ARAP3: variants seen among roughly 807,000 people sequenced by gnomAD.
ARAP3 encodes the protein arf-GAP with Rho-GAP domain, ANK repeat and PH domain-containing protein 3.
Under a neutral mutation model 169.2 loss-of-function variants are expected in ARAP3, and 82 were observed. The observed-to-expected ratio is 0.48, with a 90% CI of 0.41 to 0.58. The LOEUF is 0.58. Ranked by LOEUF, ARAP3 falls within the 20% of genes least tolerant of loss-of-function variation. The pLI is 0.00. For missense variants in ARAP3, 1,764 were observed against 2,018.0 expected (o/e 0.87, Z 2.41); for synonymous variants, 791 against 800.3 (o/e 0.99, Z 0.20).
chr5:141,658,114 AG>A (rs1431794596), intron 25 of ARAP3, among the ~76,000 whole-genome samples: 2 of 152,180 alleles, frequency 1.3e-5, no homozygotes. Context: ...TGGGCAAAAG[AG>A]GAAGAGAAGC....
In ARAP3 at chr5:141,655,254, ACACACC is replaced by A. The variant is rs368116351; in HGVS notation, c.4149+102_4149+107del. ...CACACACACACACACACACACACAC[ACACACC>A]CCCTGATGGCCTACATGAGGAAAAC... On this transcript the variant is annotated intron_variant, in intron 32 of 32. Coordinates refer to ENST00000239440, the MANE Select transcript of ARAP3 (RefSeq NM_022481.6). The A allele has an allele frequency of 1.7e-4, 195 of 1,154,918 alleles. 1 individual carries two copies. Among genetic ancestry groups the A allele is most frequent in the African/African-American group, 9.4e-4 (58 of 62,006 alleles). 71.5% of individuals were successfully genotyped at this position (1,154,918 alleles called of 1,614,324 possible).
chr5:141,671,922 C>G lies in ARAP3; in HGVS notation c.1644G>C (p.Thr548=). Residue 548 remains threonine (T), a synonymous_variant, in exon 11 of 33, where the codon ACG becomes ACC. Transcript: ENST00000239440. The surrounding 1 kb of genome is among the most constrained non-coding windows in gnomAD (Gnocchi z 4.9). ...GTACTATCTCATTACTCCAGACACTCGTGTCCAGCTTCAGGCTCTGCACCT... is the reference window on the plus strand; with the variant it reads ...GTACTATCTCATTACTCCAGACACTGGTGTCCAGCTTCAGGCTCTGCACCT... ...ISKVQSLKLD[T]SVWSNEIVQL... is the part of the protein sequence containing the mutation. The G allele has an allele frequency of 6.2e-7, 1 of 1,614,182 alleles. No homozygotes were observed. Among genetic ancestry groups the G allele is most frequent in the Non-Finnish European group, 8.5e-7 (1 of 1,180,026 alleles).
chr5:141,671,344 G>A lies in ARAP3; in HGVS notation c.1911C>T (p.Leu637=). Reference sequence around the variant, plus strand: ...CCTCGCCTTCAAAGGCCTCAACACAGAGGAGCTGGGTCATGTTCTTCAGCA... The same window carrying A: ...CCTCGCCTTCAAAGGCCTCAACACAAAGGAGCTGGGTCATGTTCTTCAGCA... ...PNLLKNMTQL[L]CVEAFEGEEP... is the part of the protein sequence containing the mutation. The change falls in exon 13 of 33, where the codon CTC becomes CTT. Residue 637 remains leucine (L), a synonymous_variant. Coordinates refer to ENST00000239440, the MANE Select transcript of ARAP3 (RefSeq NM_022481.6). This position sits in a 1 kb window ranked among gnomAD's most constrained non-coding sequence, Gnocchi z 4.9. The A allele has an allele frequency of 6.2e-7, 1 of 1,613,800 alleles. No homozygotes were observed. The highest frequency in any genetic ancestry group is 1.3e-5 in the African/African-American group (1 of 75,046).
At chr5:141,656,676 G>A (rs761225894) in intron 26 of ARAP3, 39 bp from the exon 27 acceptor site, 15 of 1,613,226 alleles carry the variant, frequency 9.3e-6, no homozygotes, top group Non-Finnish European at 1.3e-5. Context: ...AGGATGCTAG[G>A]GGAGAGACCT....
intron 25 of ARAP3, among the ~76,000 whole-genome samples, chr5:141,657,877 G>C (rs901669508): frequency 5.9e-5 from 9 of 152,142 alleles, no homozygotes; most frequent in African/African-American, 2.2e-4. Flanking sequence ...GGTCTTAGAT[G>C]TTTTACATTT....
chr5:141,679,954 TC>T lies in ARAP3; in HGVS notation c.524+8del. ...CAGCATCAGTCCCTAGGGAGCCAAC[TC>T]CACTCACTTGTCCTGAGCTGCCTGT... On this transcript the variant is annotated splice_region_variant and intron_variant, in intron 2 of 32. Coordinates refer to ENST00000239440, the MANE Select transcript of ARAP3 (RefSeq NM_022481.6). The T allele has an allele frequency of 6.2e-7, 1 of 1,614,090 alleles. No individual in the cohort carries two copies. Among genetic ancestry groups the T allele is most frequent in the Non-Finnish European group, 8.5e-7 (1 of 1,179,976 alleles).
Position 141,672,668 on chromosome 5 carries a change from T to A in ARAP3, c.1279-10A>T. The A allele has an allele frequency of 6.2e-7, 1 of 1,613,664 alleles. No homozygotes were observed. Among genetic ancestry groups the A allele is most frequent in the Non-Finnish European group, 8.5e-7 (1 of 1,179,826 alleles). On this transcript the variant is annotated splice_polypyrimidine_tract_variant and intron_variant, in intron 8 of 32. Coordinates refer to ENST00000239440, the MANE Select transcript of ARAP3 (RefSeq NM_022481.6). This position sits in a 1 kb window ranked among gnomAD's most constrained non-coding sequence, Gnocchi z 4.9. ...TGCCCAGAGAGAAGGCCTGGTGGGG[T>A]CAGGGGGTGGGCATCATGAGGTGCC...
At chr5:141,673,240 A>G in intron 6 of ARAP3, 107 bp from the exon 7 acceptor site, 1 of 1,582,226 alleles carries the variant, frequency 6.3e-7, no homozygotes, top group Non-Finnish European at 8.6e-7. Context: ...ATCCACAAGC[A>G]GTGGGTACAG....
Position 141,672,853 on chromosome 5 carries a change from G to C in ARAP3, c.1166C>G (p.Pro389Arg), listed in dbSNP as rs749701227. The C allele has an allele frequency of 4.4e-6, 7 of 1,606,246 alleles. No homozygotes were observed. The South Asian group carries it at 4.4e-5, about 10-fold the overall frequency. Residue 389 changes from proline (P) to arginine (R), a missense_variant, in exon 8 of 33, where the codon CCC becomes CGC. Coordinates refer to ENST00000239440, the MANE Select transcript of ARAP3 (RefSeq NM_022481.6). The surrounding 1 kb of genome is among the most constrained non-coding windows in gnomAD (Gnocchi z 4.9). ...KEQRLLGHPR[P>R]PQPPRPLRTG... is the part of the protein sequence containing the mutation. ...GCGGAGGGGTCGGGGTGGTTGGGGG[G>C]GCCGGGGGTGGCCCAGGAGGCGCTG...
Position 141,658,395 on chromosome 5 carries a change from T to G in ARAP3, c.3496A>C (p.Thr1166Pro). The change falls in exon 25 of 33, where the codon ACT becomes CCT. Residue 1166 changes from threonine to proline, a missense_variant. By Grantham distance (38) the Thr-to-Pro change is conservative. This residue lies in a region of ARAP3 where 1,112 missense variants were observed against 1,285.7 expected (regional missense o/e 0.86). Transcript: ENST00000239440. ...TCCCCATGCTCGCGAATCTCAAAAG[T>G]CACCCACAAGTCCATCCCAGCTGCT... is the stretch of plus-strand genomic sequence containing the variant. ...GTAAGMDLWV[T>P]FEIREHGELE... is the part of the protein sequence containing the mutation. The G allele has an allele frequency of 6.2e-7, 1 of 1,613,804 alleles. No individual in the cohort carries two copies. The highest frequency in any genetic ancestry group is 8.5e-7 in the Non-Finnish European group (1 of 1,180,022).
rs769413387 is a variant in ARAP3 at position 141,673,049 on chromosome 5, C to T, written c.1057G>A (p.Gly353Ser). The T allele has an allele frequency of 8.1e-6, 13 of 1,614,054 alleles. No homozygotes were observed. The highest frequency in any genetic ancestry group is 4.4e-5 in the South Asian group (4 of 91,088). ...GTGCGGAACACGAACACCCTCTGGC[C>T]GGTGATGACCTGGAACTTGTTGTCC... ...SKDNKFQVITGQRVFVFRTES... is the reference protein window; with the variant it reads ...SKDNKFQVITSQRVFVFRTES... Residue 353 changes from glycine (G) to serine (S), a missense_variant, in exon 7 of 33, where the codon GGC (glycine) becomes AGC (serine). Gly to Ser is a moderately conservative substitution (Grantham distance 56, BLOSUM62 0). Transcript: ENST00000239440.
chr5:141,664,877 C>G (rs376539952), intron 19 of ARAP3, 45 bp downstream of exon 19: 11 of 367,632 alleles, frequency 3.0e-5, no homozygotes, highest in Non-Finnish European at 6.0e-5. Flanking sequence ...TCATCACCCC[C>G]ACCCCCCACC....
chr5:141,657,889 A>C, intron 25 of ARAP3, among the ~76,000 whole-genome samples: 1 of 152,108 alleles, frequency 6.6e-6, no homozygotes, highest in East Asian at 1.9e-4. Context: ...TTTACATTTG[A>C]GTTGCTTGTC....
intron 4 of ARAP3, among the ~76,000 whole-genome samples, chr5:141,677,780 TTTTTTG>T (rs368222991): frequency 7.0e-6 from 1 of 143,624 alleles, no homozygotes; most frequent in Admixed American, 6.9e-5. Flanking sequence ...TGTTTTTGTT[TTTTTTG>T]TTTTTGTTTT....
Position 141,653,908 on chromosome 5 carries a change from G to A in ARAP3, c.*42C>T. 1 of 1,508,726 alleles carries A rather than the reference G, an allele frequency of 6.6e-7. No homozygotes were observed. Among genetic ancestry groups the A allele is most frequent in the Non-Finnish European group, 8.8e-7 (1 of 1,130,236 alleles). 93.5% of individuals were successfully genotyped at this position (1,508,726 alleles called of 1,614,324 possible). A position where few individuals can be genotyped will look rare whatever the true frequency, so the allele number is the denominator to read the frequency against. ...CAACAGTGCCACGATAAGAGTTTCT[G>A]GGTCTTCTGGTACCTACCCTCTCAG... On this transcript the variant is annotated 3_prime_UTR_variant, in exon 33 of 33. Transcript: ENST00000239440.
In ARAP3 at chr5:141,666,524, A is replaced by G; in HGVS notation, c.2472T>C (p.Phe824=). ...APAPGLWLSG[F]GLLRGDHLFL... The stretch of plus-strand genomic sequence containing the variant: ...AGAGGTGGTCACCACGAAGGAGGCC[A>G]AACCCTGACAGCCAGAGACCAGGGG... The change falls in exon 17 of 33, where the codon TTT becomes TTC. Residue 824 remains phenylalanine (F), a synonymous_variant. Transcript: ENST00000239440. The G allele has an allele frequency of 6.2e-7, 1 of 1,603,054 alleles. No homozygotes were observed.
intron 21 of ARAP3, 140 bp downstream of exon 21, chr5:141,661,544 C>A: frequency 1.1e-6 from 1 of 875,028 alleles, no homozygotes. Flanking sequence ...AATCCATTCT[C>A]TGAACCTTAG....
At chr5:141,660,618 C>G (rs1194191014) in intron 21 of ARAP3, among the ~76,000 whole-genome samples, 1 of 151,956 alleles carries the variant, frequency 6.6e-6, no homozygotes, top group Non-Finnish European at 1.5e-5. Context: ...TGACCAATCC[C>G]TATAATATAG....
chr5:141,654,465 C>T (rs2154598618), intron 32 of ARAP3, 30 bp from the exon 33 acceptor site: 1 of 1,529,862 alleles, frequency 6.5e-7, no homozygotes. Flanking sequence ...CAGGAGTGGG[C>T]ACATAGTTAA....
Sources: gnomAD v4.1 joint callset for allele counts (sites outside exome capture counted in the v4.1 genomes callset) on GRCh38, gnomAD v4.1.1 for gene constraint, gnomAD v4.1.1 regional missense constraint, Gnocchi (gnomAD v3.1) non-coding constraint, MANE v1.5 for transcripts, NCBI Gene and HGNC (gene_info 2026-07-23, HGNC 2026-07-21) for gene names.